The following HORMAD2 variants were observed in gnomAD, a reference collection of about 807,000 sequenced individuals.
HORMAD2 encodes HORMA domain-containing protein 2.
HORMAD2 carries 45 observed loss-of-function variants against 38.8 expected under a neutral mutation model. The observed-to-expected ratio is 1.16, with a 90% CI of 0.91 to 1.49. HORMAD2 has a LOEUF of 1.49. Among genes scored for constraint, HORMAD2 ranks in the 40% most tolerant of loss-of-function variants. The pLI, the probability that HORMAD2 is intolerant of heterozygous loss-of-function variation, is 0.00. For synonymous variants in HORMAD2, 126 were observed against 122.8 expected (o/e 1.03, Z -0.17); for missense variants, 338 against 367.0 (o/e 0.92, Z 0.65).
At chr22:30,179,751 T>C (rs530627267), downstream of HORMAD2, among the ~76,000 whole-genome samples, 7 of 152,270 alleles carry the variant, frequency 4.6e-5, no homozygotes, top group South Asian at 2.1e-4. Flanking sequence ...ATTTGCTCAA[T>C]AGAGGATGTT....
intron 10 of HORMAD2, chr22:30,137,424 C>A: frequency 2.5e-6 from 1 of 400,120 alleles, no homozygotes; most frequent in South Asian, 2.1e-5. Context: ...GAGGTCAAGG[C>A]TGCAGTGAGC....
chr22:30,199,800 T>G, the HORMAD2 span, among the ~76,000 whole-genome samples: 1 of 151,864 alleles, frequency 6.6e-6, no homozygotes, highest in Non-Finnish European at 1.5e-5. Context: ...ACACACAGCT[T>G]CATCAGTGAT....
At chr22:30,088,612 TTTA>T (rs1207533618) in intron 1 of HORMAD2, among the ~76,000 whole-genome samples, 7 of 151,490 alleles carry the variant, frequency 4.6e-5, no homozygotes, top group Non-Finnish European at 1.0e-4. Context: ...ACTATTTAGT[TTTA>T]TTAAGTAAGT....
intron 1 of HORMAD2, among the ~76,000 whole-genome samples, chr22:30,090,272 A>G (rs564951116): frequency 6.6e-6 from 1 of 152,312 alleles, no homozygotes; most frequent in South Asian, 2.1e-4. Flanking sequence ...CTGAGGTGGG[A>G]GAATCATTTA....
intron 1 of HORMAD2, among the ~76,000 whole-genome samples, chr22:30,080,763 A>C (rs747931709): frequency 1.3e-5 from 2 of 152,082 alleles, no homozygotes; most frequent in African/African-American, 2.4e-5. Flanking sequence ...TTTTCTGGAC[A>C]TGAAATCAAA....
At chr22:30,100,236 T>G (rs1920933425) in intron 3 of HORMAD2, among the ~76,000 whole-genome samples, 1 of 151,950 alleles carries the variant, frequency 6.6e-6, no homozygotes, top group African/African-American at 2.4e-5. Flanking sequence ...CCAAAATAGA[T>G]ATATAGACCA....
intron 5 of HORMAD2, 151 bp downstream of exon 5, chr22:30,104,588 G>A: frequency 1.7e-6 from 1 of 577,144 alleles, no homozygotes; most frequent in African/African-American, 1.9e-5. Context: ...TGTCTTTATT[G>A]TCCTGTTGTT....
At chr22:30,196,787 C>T in the HORMAD2 span, among the ~76,000 whole-genome samples, 2 of 152,324 alleles carry the variant, frequency 1.3e-5, no homozygotes, top group African/African-American at 4.8e-5. Flanking sequence ...CTGACTTTCA[C>T]CTCAAGCCCT....
the HORMAD2 span, among the ~76,000 whole-genome samples, chr22:30,195,714 G>C: frequency 6.6e-6 from 1 of 152,208 alleles, no homozygotes; most frequent in South Asian, 2.1e-4. Context: ...GGGATTCCTT[G>C]TACTACATCT....
the HORMAD2 span, among the ~76,000 whole-genome samples, chr22:30,184,135 T>A: frequency 6.6e-6 from 1 of 152,252 alleles, no homozygotes; most frequent in African/African-American, 2.4e-5. Context: ...GCTGTTTCAC[T>A]GTTGCCTCCA....
At chr22:30,198,470 C>A in the HORMAD2 span, among the ~76,000 whole-genome samples, 1 of 151,204 alleles carries the variant, frequency 6.6e-6, no homozygotes, top group East Asian at 2.0e-4. Flanking sequence ...CCCAGAGGTT[C>A]GGATTTAACT....
At chr22:30,157,369 T>A (rs1378775736) in intron 10 of HORMAD2, among the ~76,000 whole-genome samples, 1 of 152,128 alleles carries the variant, frequency 6.6e-6, no homozygotes, top group African/African-American at 2.4e-5. Flanking sequence ...TCCAAGGAAC[T>A]CCAGCCTCTT....
At chr22:30,193,568 G>A in the HORMAD2 span, among the ~76,000 whole-genome samples, 1 of 152,164 alleles carries the variant, frequency 6.6e-6, no homozygotes, top group Non-Finnish European at 1.5e-5. Context: ...TTTGAGCTGA[G>A]GCCATATGAA....
rs147884470 is a variant in HORMAD2 at position 30,093,468 on chromosome 22, A to G, written c.-37-448A>G. ...TGAGTCTCTAGGTGATTTACAATGT[A>G]TTTTCTCCTCTGAATATATTTTTGA... On this transcript the variant is annotated intron_variant, in intron 1 of 10. Coordinates refer to ENST00000336726, the MANE Select transcript of HORMAD2 (RefSeq NM_152510.4). 6.1e-3 allele frequency among the ~76,000 whole-genome samples: 928 copies of G among 152,254 alleles called. 4 individuals are homozygous for G. Among genetic ancestry groups the G allele is most frequent in the Non-Finnish European group, 0.011 (743 of 67,974 alleles).
chr22:30,131,260 G>T (rs1323468459), intron 10 of HORMAD2, among the ~76,000 whole-genome samples: 1 of 152,186 alleles, frequency 6.6e-6, no homozygotes, highest in East Asian at 1.9e-4. Context: ...ATAAAAAGAT[G>T]GAGGGCTAAT....
At chr22:30,140,119 C>T (rs1203373066) in intron 10 of HORMAD2, among the ~76,000 whole-genome samples, 21 of 152,138 alleles carry the variant, frequency 1.4e-4, no homozygotes, top group Middle Eastern at 3.4e-3. Flanking sequence ...GTTGAATTAG[C>T]CCTGCATGGT....
intron 2 of HORMAD2, among the ~76,000 whole-genome samples, chr22:30,097,801 T>C (rs964797965): frequency 4.6e-5 from 7 of 152,120 alleles, no homozygotes; most frequent in African/African-American, 1.7e-4. Flanking sequence ...TTAATTCTGA[T>C]GGCAATATGG....
intron 1 of HORMAD2, among the ~76,000 whole-genome samples, chr22:30,081,583 C>CTT (rs11412352): frequency 2.4e-4 from 36 of 148,294 alleles, no homozygotes; most frequent in East Asian, 6.0e-4. Context: ...TTTCTTTTTT[C>CTT]TTTTTTTTTT....
chr22:30,167,388 G>A (rs1925851957), intron 10 of HORMAD2, among the ~76,000 whole-genome samples: 1 of 152,156 alleles, frequency 6.6e-6, no homozygotes, highest in Non-Finnish European at 1.5e-5. Context: ...ATCTTTGGGG[G>A]CTCATTTTTT....
Sources: allele counts gnomAD v4.1 joint callset (sites outside exome capture counted in the v4.1 genomes callset), GRCh38; gene constraint gnomAD v4.1.1; transcripts MANE v1.5; gene names NCBI Gene and HGNC (gene_info 2026-07-23, HGNC 2026-07-21).